DOCK7: variants seen among roughly 807,000 people sequenced by gnomAD.
DOCK7 encodes the protein dedicator of cytokinesis protein 7.
A neutral mutation model predicts 271.0 loss-of-function variants in DOCK7; 138 were observed. The ratio of observed to expected loss-of-function variants is 0.51; its 90% CI spans 0.44 to 0.59. The LOEUF is 0.59. Ranked by LOEUF, DOCK7 falls within the 20% of genes least tolerant of loss-of-function variation. The pLI is 0.00. For missense variants in DOCK7, 2,066 were observed against 2,592.4 expected, an observed-to-expected ratio of 0.80 and a Z score of 4.41; for synonymous variants, 823 against 876.1, an observed-to-expected ratio of 0.94 and a Z score of 1.07.
At chr1:62,490,689 TTAA>T (rs1327838733) in intron 41 of DOCK7, among the ~76,000 whole-genome samples, 6 of 152,158 alleles carry the variant, frequency 3.9e-5, no homozygotes, top group African/African-American at 1.4e-4. Flanking sequence ...CAAAAGAATT[TTAA>T]TAATATAGGT....
intron 1 of DOCK7, among the ~76,000 whole-genome samples, chr1:62,683,427 C>T (rs1661388698): frequency 6.6e-6 from 1 of 152,224 alleles, no homozygotes; most frequent in East Asian, 1.9e-4. Flanking sequence ...TTAAATAAGT[C>T]GATATCCAGG....
At chr1:62,465,388 G>GA (rs1033844675) in intron 48 of DOCK7, among the ~76,000 whole-genome samples, 13 of 151,962 alleles carry the variant, frequency 8.6e-5, no homozygotes, top group African/African-American at 3.1e-4. Flanking sequence ...TACATTACAG[G>GA]AAACAGGTGA....
intron 40 of DOCK7, 80 bp from the exon 41 acceptor site, chr1:62,492,927 T>C: frequency 8.3e-7 from 1 of 1,209,592 alleles, no homozygotes. Flanking sequence ...TAACTGAAGA[T>C]GAACTGTAAC....
At chr1:62,586,268 C>G (rs1476073334) in intron 15 of DOCK7, among the ~76,000 whole-genome samples, 1 of 152,162 alleles carries the variant, frequency 6.6e-6, no homozygotes, top group African/African-American at 2.4e-5. Flanking sequence ...TTTATATCCT[C>G]TGGATTACAA....
At chr1:62,664,964 C>T (rs1254350739) in intron 1 of DOCK7, among the ~76,000 whole-genome samples, 2 of 152,172 alleles carry the variant, frequency 1.3e-5, no homozygotes, top group African/African-American at 4.8e-5. Flanking sequence ...CAGGAACATT[C>T]GCTTCAGTTT....
Position 62,457,594 on chromosome 1 carries a change from C to T in DOCK7, c.6324G>A (p.Leu2108=), listed in dbSNP as rs1473532937. Residue 2108 remains leucine (L), a synonymous_variant, in exon 49 of 50, where the codon CTG becomes CTA. Transcript: ENST00000635253. The part of the protein sequence containing the change: ...YHRLKEALQP[L]INRKIPQLYK... Reference sequence around the variant, plus strand: ...ATAACTGAGGGATCTTTCTGTTGATCAGTGGCTGTAGGGCCTCTTTAAGGC... The same window carrying T: ...ATAACTGAGGGATCTTTCTGTTGATTAGTGGCTGTAGGGCCTCTTTAAGGC... 4.3e-6 allele frequency: 7 copies of T among 1,614,188 alleles called. No homozygotes were observed. In the Admixed American group the frequency reaches 8.3e-5, roughly 19 times the overall value.
chr1:62,474,264 T>G (rs1191682308), intron 47 of DOCK7, among the ~76,000 whole-genome samples, 176 bp from the exon 48 acceptor site: 1 of 152,254 alleles, frequency 6.6e-6, no homozygotes, highest in African/African-American at 2.4e-5. Context: ...AATTTCATTC[T>G]ACATTCTTAT....
chr1:62,657,154 C>T (rs1055548880), intron 2 of DOCK7, among the ~76,000 whole-genome samples: 6 of 152,146 alleles, frequency 3.9e-5, no homozygotes, highest in African/African-American at 1.4e-4. Context: ...AGAGTAAGTA[C>T]GTTCACCAAT....
Position 62,647,676 on chromosome 1 carries a change from G to T in DOCK7, c.818+15C>A, listed in dbSNP as rs1042203799. On this transcript the variant is annotated intron_variant, in intron 7 of 49. Coordinates refer to ENST00000635253, the MANE Select transcript of DOCK7 (RefSeq NM_001367561.1). The stretch of plus-strand genomic sequence containing the variant: ...TGGAAAATAAAAGTTGTAAGTAAAA[G>T]AAATAAATACTCACTTGAGTGATAA... 2.6e-6 allele frequency: 4 copies of T among 1,547,678 alleles called. No individual in the cohort carries two copies. In the East Asian group the frequency reaches 6.9e-5, roughly 27 times the overall value.
Position 62,528,170 on chromosome 1 carries a change from C to A in DOCK7, c.3917G>T (p.Ser1306Ile). ...TTTTACCGTTGACGTGAGGAGGAAA[C>A]TGCCAGGCCTTGTTAGTTGAGGGAC... is the stretch of plus-strand genomic sequence containing the variant. Reference protein sequence around the residue: ...TSVPQLTRPGSFLLTSTSGRQ... With the variant: ...TSVPQLTRPGIFLLTSTSGRQ... The change falls in exon 31 of 50, where the codon AGT (serine) becomes ATT (isoleucine). Residue 1306 changes from serine to isoleucine, a missense_variant. Coordinates refer to ENST00000635253, the MANE Select transcript of DOCK7 (RefSeq NM_001367561.1). 1 of 1,611,724 alleles carries A rather than the reference C, an allele frequency of 6.2e-7. No homozygotes were observed. The highest frequency in any genetic ancestry group is 8.5e-7 in the Non-Finnish European group (1 of 1,179,090).
intron 1 of DOCK7, among the ~76,000 whole-genome samples, chr1:62,678,561 C>A (rs967049474): frequency 3.3e-5 from 5 of 152,130 alleles, no homozygotes; most frequent in Admixed American, 6.5e-5. Flanking sequence ...ATAAGGATGT[C>A]ATTTCTCCCC....
At chr1:62,655,451 CTCT>C (rs1377500424) in intron 2 of DOCK7, among the ~76,000 whole-genome samples, 1 of 143,770 alleles carries the variant, frequency 7.0e-6, no homozygotes, top group Admixed American at 7.1e-5. Context: ...TTGAGACGGG[CTCT>C]TCCTCTGTCA....
At chr1:62,508,554 A>G (rs1644382048) in intron 34 of DOCK7, among the ~76,000 whole-genome samples, 1 of 152,148 alleles carries the variant, frequency 6.6e-6, no homozygotes, top group Non-Finnish European at 1.5e-5. Flanking sequence ...TTAACTCTTC[A>G]GTGAGACTAG....
chr1:62,492,558 G>A, intron 41 of DOCK7, 146 bp downstream of exon 41: 1 of 930,514 alleles, frequency 1.1e-6, no homozygotes, highest in Non-Finnish European at 1.6e-6. Flanking sequence ...AAAGTGCTGA[G>A]ATTACAGGCA....
intron 18 of DOCK7, among the ~76,000 whole-genome samples, chr1:62,572,848 A>C (rs1035974212): frequency 6.6e-6 from 1 of 152,212 alleles, no homozygotes; most frequent in Admixed American, 6.5e-5. Context: ...GCCCAGGGTC[A>C]CACAATTAAG....
At chr1:62,644,446 T>G (rs1656391600) in intron 7 of DOCK7, among the ~76,000 whole-genome samples, 1 of 152,230 alleles carries the variant, frequency 6.6e-6, no homozygotes, top group African/African-American at 2.4e-5. Flanking sequence ...CCATCCTCCT[T>G]GCATGCCAAG....
At chr1:62,604,852 T>C (rs1304389120) in intron 14 of DOCK7, 2 of 1,578,810 alleles carry the variant, frequency 1.3e-6, no homozygotes, top group South Asian at 2.2e-5. Flanking sequence ...AATTTAAACA[T>C]TAACCTCATT....
chr1:62,508,000 T>G lies in DOCK7; in HGVS notation c.4438A>C (p.Asn1480His), dbSNP rs758194409. Residue 1480 changes from asparagine to histidine, a missense_variant, in exon 35 of 50, where the codon AAC becomes CAC. Asn to His is a moderately conservative substitution (Grantham distance 68). This residue lies in a region of DOCK7 where 652 missense variants were observed against 922.1 expected (regional missense o/e 0.71). Coordinates refer to ENST00000635253, the MANE Select transcript of DOCK7 (RefSeq NM_001367561.1). Reference sequence around the variant, plus strand: ...TCTAATGTATCTAAAATGATTAGGTTTGCTTCTGTAGCCAGGTTTCCATCA... The same window carrying G: ...TCTAATGTATCTAAAATGATTAGGTGTGCTTCTGTAGCCAGGTTTCCATCA... The part of the protein sequence containing the change: ...LIDGNLATEA[N>H]LIILDTLEIV... The G allele has an allele frequency of 2.5e-6, 4 of 1,613,074 alleles. No individual in the cohort carries two copies. In the African/African-American group the frequency reaches 4.0e-5, roughly 16 times the overall value.
Position 62,577,067 on chromosome 1 carries a change from A to G in DOCK7, c.2112+195T>C, listed in dbSNP as rs10789116. On this transcript the variant is annotated intron_variant, in intron 18 of 49. Coordinates refer to ENST00000635253, the MANE Select transcript of DOCK7 (RefSeq NM_001367561.1). The stretch of plus-strand genomic sequence containing the variant: ...TATTTACATTTAAAATGAAATTTAA[A>G]TTTAAATTTAAAAACAGGATAAAAG... Among the ~76,000 whole-genome samples the G allele has an allele frequency of 0.33, 50,836 of 152,056 alleles. 8,667 individuals are homozygous for G. The highest frequency in any genetic ancestry group is 0.42 in the South Asian group (2,027 of 4,818).
Sources: allele counts gnomAD v4.1 joint callset (sites outside exome capture counted in the v4.1 genomes callset), GRCh38; gene constraint gnomAD v4.1.1; regional missense constraint gnomAD v4.1.1; transcripts MANE v1.5; gene names NCBI Gene and HGNC (gene_info 2026-07-23, HGNC 2026-07-21).